DMD: variants seen among roughly 807,000 people sequenced by gnomAD.
The protein encoded by DMD is mutant dystrophin.
In DMD, 63 loss-of-function variants were observed where a neutral mutation model predicts 330.1. That is an observed-to-expected ratio of 0.19 (90% CI 0.16 to 0.24). DMD has a LOEUF of 0.24. DMD is among the 10% of genes least tolerant of loss of function. The pLI is 1.00. For synonymous variants in DMD, 1,223 were observed against 959.8 expected (o/e 1.27, Z -5.07); for missense variants, 3,344 against 2,684.1 (o/e 1.25, Z -5.43).
At chrX:31,766,066 G>A (rs2089975693) in intron 51 of DMD, among the ~76,000 whole-genome samples, 1 of 110,825 alleles carries the variant, frequency 9.0e-6, no homozygotes, top group African/African-American at 3.3e-5. Flanking sequence ...CTAAAAGGCA[G>A]GTCCTAAACT....
chrX:32,148,961 A>C (rs2096791527), intron 44 of DMD, among the ~76,000 whole-genome samples: 1 of 112,132 alleles, frequency 8.9e-6, no homozygotes, highest in Non-Finnish European at 1.9e-5. Context: ...TTTACACTGA[A>C]TACTTTGATG....
In DMD at chrX:33,009,252, ATGTGTATG is replaced by A. The variant is rs1207882271; in HGVS notation, c.93+10879_93+10886del. Reference sequence around the variant, plus strand: ...TGTGTATATATACACATGTGCATATATGTGTATGTGTGTATATATACACATATGTGTAT... The same window carrying A: ...TGTGTATATATACACATGTGCATATATGTGTATATATACACATATGTGTAT... On this transcript the variant is annotated intron_variant, in intron 2 of 78. Transcript: ENST00000357033. Among the ~76,000 whole-genome samples, 15 of 42,438 alleles carry A rather than the reference ATGTGTATG, an allele frequency of 3.5e-4. 1 individual carries two copies. Among genetic ancestry groups the A allele is most frequent in the African/African-American group, 8.6e-4 (13 of 15,045 alleles). 36.9% of individuals were successfully genotyped at this position (42,438 alleles called of 115,157 possible).
chrX:32,764,109 T>TC (rs1236209952), intron 7 of DMD, among the ~76,000 whole-genome samples: 7 of 109,709 alleles, frequency 6.4e-5, no homozygotes, highest in African/African-American at 2.3e-4. Flanking sequence ...TTTTTTTTTT[T>TC]CCAACTAAAT....
At chrX:31,593,127 A>G (rs1472568052) in intron 55 of DMD, among the ~76,000 whole-genome samples, 1 of 111,522 alleles carries the variant, frequency 9.0e-6, no homozygotes, top group Non-Finnish European at 1.9e-5. Flanking sequence ...TTTACTCCAG[A>G]TGATCTTCAG....
intron 59 of DMD, among the ~76,000 whole-genome samples, chrX:31,460,172 A>ATTGTT (rs1246213352): frequency 6.3e-5 from 7 of 111,603 alleles, no homozygotes; most frequent in Non-Finnish European, 9.4e-5. Flanking sequence ...TTTTTGCACC[A>ATTGTT]TTTTGGGAAA....
chrX:31,470,715 C>T (rs1360280544), intron 59 of DMD, among the ~76,000 whole-genome samples: 1 of 111,975 alleles, frequency 8.9e-6, no homozygotes, highest in East Asian at 2.8e-4. Flanking sequence ...AGCCAGCAGG[C>T]AGGAACGTTT....
intron 5 of DMD, among the ~76,000 whole-genome samples, chrX:32,821,161 A>T (rs2078209859): frequency 1.8e-5 from 2 of 111,466 alleles, no homozygotes; most frequent in African/African-American, 3.3e-5. Context: ...AGTAGCATTA[A>T]GCCTGTTCAG....
intron 4 of DMD, among the ~76,000 whole-genome samples, chrX:32,826,660 ATTGAGAGTAAAATG>A (rs1167530189): frequency 9.0e-6 from 1 of 111,580 alleles, no homozygotes; most frequent in East Asian, 2.8e-4. Flanking sequence ...AGCTCATAGA[ATTGAGAGTAAAATG>A]TTGGTTAGCA....
chrX:33,268,994 G>A (rs1208404146), intron 1 of DMD, among the ~76,000 whole-genome samples: 1 of 110,202 alleles, frequency 9.1e-6, no homozygotes, highest in African/African-American at 3.3e-5. Flanking sequence ...TGGTTGGAAT[G>A]TAAATTATTT....
intron 13 of DMD, among the ~76,000 whole-genome samples, chrX:32,592,063 G>A (rs970988577): frequency 2.7e-5 from 3 of 111,835 alleles, no homozygotes; most frequent in African/African-American, 9.8e-5. Context: ...AGGATGGTTC[G>A]GTGTGGGCCT....
chrX:32,970,502 C>T (rs1316386238), intron 2 of DMD, among the ~76,000 whole-genome samples: 2 of 92,751 alleles, frequency 2.2e-5, no homozygotes, highest in Non-Finnish European at 4.1e-5. Flanking sequence ...GACATGGTGG[C>T]GCACACCTGT....
intron 7 of DMD, among the ~76,000 whole-genome samples, chrX:32,779,218 G>T (rs921607023): frequency 9.2e-6 from 1 of 109,285 alleles, no homozygotes; most frequent in African/African-American, 3.4e-5. Flanking sequence ...TCAAATGAAA[G>T]TCGTCCTATT....
intron 52 of DMD, among the ~76,000 whole-genome samples, chrX:31,725,363 G>A (rs1280427770): frequency 9.0e-6 from 1 of 110,777 alleles, no homozygotes; most frequent in Non-Finnish European, 1.9e-5. Flanking sequence ...TTCTCCTGTC[G>A]GTCTTTTAAA....
At chrX:32,645,688 C>T (rs1288777138) in intron 9 of DMD, among the ~76,000 whole-genome samples, 1 of 111,787 alleles carries the variant, frequency 8.9e-6, no homozygotes, top group African/African-American at 3.3e-5. Flanking sequence ...ACCCACCCAT[C>T]TAAAATTTCT....
In DMD at chrX:32,252,665, TATATATATATAAATATATAA is replaced by T. The variant is rs1209718052; in HGVS notation, c.6290+34844_6290+34863del. On this transcript the variant is annotated intron_variant, in intron 43 of 78. Coordinates refer to ENST00000357033, the MANE Select transcript of DMD (RefSeq NM_004006.3). Reference sequence around the variant, plus strand: ...ATATATATAAATACAAATATATAAATATATATATATAAATATATAAATATATATATAAATATATATAAATA... The same window carrying T: ...ATATATATAAATACAAATATATAAATATATATATATAAATATATATAAATA... 2.6e-3 allele frequency among the ~76,000 whole-genome samples: 111 copies of T among 42,775 alleles called. 9 individuals are homozygous for T. The highest frequency in any genetic ancestry group is 0.013 in the African/African-American group (96 of 7,288). The allele number at this position is 42,775 out of a possible 115,157, so 37.1% of individuals were successfully genotyped here.
chrX:32,212,602 C>A (rs905266794), intron 44 of DMD, among the ~76,000 whole-genome samples: 4 of 111,665 alleles, frequency 3.6e-5, no homozygotes, highest in African/African-American at 6.5e-5. Context: ...ACCACTTAAC[C>A]CCCTTTCTAA....
intron 1 of DMD, among the ~76,000 whole-genome samples, chrX:33,120,491 A>C (rs1438030089): frequency 9.0e-6 from 1 of 111,422 alleles, no homozygotes; most frequent in Non-Finnish European, 1.9e-5. Context: ...TACTGCATGG[A>C]ACTCGGGTGG....
intron 7 of DMD, among the ~76,000 whole-genome samples, chrX:32,777,936 C>T (rs1203374823): frequency 1.8e-5 from 2 of 112,113 alleles, no homozygotes; most frequent in African/African-American, 6.5e-5. Context: ...TAATTATATA[C>T]CCATGCACAT....
chrX:31,313,813 C>CT (rs112090679), intron 62 of DMD, among the ~76,000 whole-genome samples: 9,141 of 97,507 alleles, frequency 0.094, 1,180 homozygotes, highest in African/African-American at 0.32. Flanking sequence ...CTGTTTCTTC[C>CT]TTTTTTTTTT....
Sources: allele counts gnomAD v4.1 joint callset (sites outside exome capture counted in the v4.1 genomes callset), GRCh38; gene constraint gnomAD v4.1.1; transcripts MANE v1.5; gene names NCBI Gene and HGNC (gene_info 2026-07-23, HGNC 2026-07-21).